The following PTPRH variants were observed in gnomAD, a reference collection of about 807,000 sequenced individuals.
PTPRH encodes the protein protein tyrosine phosphatase receptor type H, also known as receptor-type tyrosine-protein phosphatase H.
In PTPRH, 113 loss-of-function variants were observed where a neutral mutation model predicts 130.2. The ratio of observed to expected loss-of-function variants is 0.87; its 90% confidence interval spans 0.75 to 1.01. The LOEUF (loss-of-function observed/expected upper bound fraction) is 1.01. Ranked by LOEUF, PTPRH falls within the 50% of genes least tolerant of loss-of-function variation. The pLI, the probability that PTPRH is intolerant of heterozygous loss-of-function variation, is 0.00. For missense variants in PTPRH, 1,430 were observed against 1,425.0 expected, an observed-to-expected ratio of 1.00 and a Z score of -0.06; for synonymous variants, 556 against 577.9, an observed-to-expected ratio of 0.96 and a Z score of 0.54.
intron 12 of PTPRH, 121 bp downstream of exon 12, chr19:55,191,380 C>A: frequency 1.7e-6 from 2 of 1,171,482 alleles, no homozygotes; most frequent in Non-Finnish European, 1.3e-6. Flanking sequence ...GAGGCATGGG[C>A]CCCTTCTGAG....
At chr19:55,199,691 AAAGG>A (rs2086794490) in intron 7 of PTPRH, among the ~76,000 whole-genome samples, 2 of 149,498 alleles carry the variant, frequency 1.3e-5, no homozygotes, top group Admixed American at 1.3e-4. Context: ...AGAAAGAGAG[AAAGG>A]AAGGGAGGGA....
At chr19:55,201,930 G>A in intron 6 of PTPRH, 126 bp downstream of exon 6, 2 of 1,424,826 alleles carry the variant, frequency 1.4e-6, no homozygotes, top group Non-Finnish European at 9.6e-7. Context: ...ACTGCCCCAG[G>A]ATGTGGACAT....
chr19:55,202,867 C>A (rs540781657), intron 5 of PTPRH, among the ~76,000 whole-genome samples: 1 of 151,924 alleles, frequency 6.6e-6, no homozygotes, highest in Non-Finnish European at 1.5e-5. Flanking sequence ...GGCGAAACCC[C>A]GTCTCTACTA....
intron 13 of PTPRH, 131 bp downstream of exon 13, chr19:55,187,947 C>A: frequency 1.5e-6 from 1 of 677,200 alleles, no homozygotes; most frequent in South Asian, 1.7e-5. Flanking sequence ...GGAATCTCTG[C>A]ACAATCCAAT....
chr19:55,194,678 C>A (rs889485285), intron 10 of PTPRH, among the ~76,000 whole-genome samples: 2 of 152,172 alleles, frequency 1.3e-5, no homozygotes, highest in Non-Finnish European at 2.9e-5. Context: ...CAAGATGATA[C>A]AACCACATTA....
Position 55,206,767 on chromosome 19 carries a change from C to T in PTPRH, c.274G>A (p.Gly92Arg), listed in dbSNP as rs1377629474. Residue 92 changes from glycine (G) to arginine (R), a missense_variant, in exon 3 of 20, where the codon GGG becomes AGG. By Grantham distance (125) the Gly-to-Arg change is moderately radical (BLOSUM62 -2). Transcript: ENST00000376350. ...TNVTVDGLGP[G>R]SLYTCSVWVE... ...CACACAGAACACGTATACAATGACC[C>T]GGGTCCAAGGCCATCCACGGTGACG... 4.3e-6 allele frequency: 7 copies of T among 1,614,052 alleles called. No individual in the cohort carries two copies. The highest frequency in any genetic ancestry group is 1.7e-5 in the Admixed American group (1 of 59,992).
chr19:55,204,669 A>G (rs535695399), intron 4 of PTPRH, among the ~76,000 whole-genome samples: 1 of 151,226 alleles, frequency 6.6e-6, no homozygotes, highest in South Asian at 2.1e-4. Context: ...CTGCCCACAC[A>G]TGGACCACAC....
At position 55,203,870 on chromosome 19, in the gene PTPRH, G is replaced by A. The variant is rs747448099; in HGVS notation, c.798C>T (p.Gly266=). 1.1e-5 allele frequency: 18 copies of A among 1,614,136 alleles called. No homozygotes were observed. The East Asian group carries it at 3.6e-4, about 32-fold the overall frequency. Residue 266 remains glycine (G), a synonymous_variant, in exon 5 of 20, where the codon GGC becomes GGT. Coordinates refer to ENST00000376350, the MANE Select transcript of PTPRH (RefSeq NM_002842.5). ...NTTDTRVTVD[G]LGPGSLYTCS... ...ACGTATACAATGACCCGGGTCCAAG[G>A]CCATCCACGGTGACTCTGGTGTCTG...
intron 12 of PTPRH, 139 bp downstream of exon 12, chr19:55,191,362 C>T: frequency 1.0e-6 from 1 of 983,984 alleles, no homozygotes; most frequent in Admixed American, 2.0e-5. Flanking sequence ...GCCGTGGTCC[C>T]TGTCGCAGAG....
At chr19:55,193,707 T>C (rs560052435) in intron 10 of PTPRH, among the ~76,000 whole-genome samples, 67 of 152,238 alleles carry the variant, frequency 4.4e-4, no homozygotes, top group African/African-American at 1.5e-3. Context: ...GGGAAACACT[T>C]TGCTGGTTGT....
chr19:55,191,954 T>G (rs1383886506), intron 10 of PTPRH: 2 of 664,654 alleles, frequency 3.0e-6, no homozygotes, highest in East Asian at 5.8e-5. Context: ...CCAGCCCCTC[T>G]CCTACCTCCT....
At position 55,202,059 on chromosome 19, in the gene PTPRH, T is replaced by C. The variant is rs139848790; in HGVS notation, c.1150A>G (p.Thr384Ala). The C allele has an allele frequency of 5.5e-4, 891 of 1,613,808 alleles. 2 individuals are homozygous for C. The African/African-American group carries it at 9.5e-3, about 17-fold the overall frequency. Residue 384 changes from threonine to alanine, a missense_variant, in exon 6 of 20, where the codon ACA becomes GCA. By Grantham distance (58) the Thr-to-Ala change is moderately conservative. Coordinates refer to ENST00000376350, the MANE Select transcript of PTPRH (RefSeq NM_002842.5). ...NSSRETRNAT[T>A]APNPVRNLHM... is the part of the protein sequence containing the mutation. Reference sequence around the variant, plus strand: ...ACAAATGGCGACTGCCTCTCACCTGTGGTGGCATTTCGAGTCTCCCGGGAG... The same window carrying C: ...ACAAATGGCGACTGCCTCTCACCTGCGGTGGCATTTCGAGTCTCCCGGGAG...
chr19:55,200,744 A>G (rs1453295616), intron 6 of PTPRH, among the ~76,000 whole-genome samples: 1 of 151,750 alleles, frequency 6.6e-6, no homozygotes, highest in Non-Finnish European at 1.5e-5. Flanking sequence ...GGAGATTGAG[A>G]CCATCCTGGC....
Position 55,202,156 on chromosome 19 carries a change from G to C in PTPRH, c.1053C>G (p.Ile351Met). 1 of 1,614,212 alleles carries C rather than the reference G, an allele frequency of 6.2e-7. No homozygotes were observed. Among genetic ancestry groups the C allele is most frequent in the Non-Finnish European group, 8.5e-7 (1 of 1,180,040 alleles). The change falls in exon 6 of 20, where the codon ATC (isoleucine) becomes ATG (methionine). Residue 351 changes from isoleucine (I) to methionine (M), a missense_variant. Coordinates refer to ENST00000376350, the MANE Select transcript of PTPRH (RefSeq NM_002842.5). ...ACCCGGGTTCAAGTCTATCCACGGT[G>C]ATGTTGGTGTGTGCTGTGCTTCGAG... ...AGTRSTAHTN[I>M]TVDRLEPGCL... is the part of the protein sequence containing the mutation.
rs2087162177 is a variant in PTPRH at position 55,209,111 on chromosome 19, A to G, written c.51+272T>C. Among the ~76,000 whole-genome samples, 1 of 151,838 alleles carries G rather than the reference A, an allele frequency of 6.6e-6. No homozygotes were observed. Among genetic ancestry groups the G allele is most frequent in the African/African-American group, 2.4e-5 (1 of 41,290 alleles). ...CCCGCAGCAGACACGACAGTGTCTA[A>G]GGGCCCGGGTGAAGCTGGTGTCCCC... is the stretch of plus-strand genomic sequence containing the variant. On this transcript the variant is annotated intron_variant, in intron 1 of 19. Coordinates refer to ENST00000376350, the MANE Select transcript of PTPRH (RefSeq NM_002842.5). This position sits in a 1 kb window ranked among gnomAD's most constrained non-coding sequence, Gnocchi z 4.1.
intron 3 of PTPRH, 97 bp downstream of exon 3, chr19:55,206,592 T>A: frequency 7.8e-7 from 1 of 1,284,368 alleles, no homozygotes; most frequent in Non-Finnish European, 1.0e-6. Flanking sequence ...TGTGTTTCTA[T>A]CCAACTAAAG....
intron 12 of PTPRH, among the ~76,000 whole-genome samples, chr19:55,190,369 C>CAA (rs550949670): frequency 1.9e-5 from 2 of 104,618 alleles, no homozygotes; most frequent in Non-Finnish European, 3.9e-5. Flanking sequence ...GACTCCACCT[C>CAA]AAAAAAAAAA....
chr19:55,190,720 C>T (rs957271483), intron 12 of PTPRH, among the ~76,000 whole-genome samples: 1 of 149,256 alleles, frequency 6.7e-6, no homozygotes, highest in East Asian at 1.9e-4. Context: ...AACCTCTGCT[C>T]CCGGGTTCAA....
intron 7 of PTPRH, among the ~76,000 whole-genome samples, chr19:55,199,763 G>GAGAA (rs1183927656): frequency 1.6e-4 from 23 of 147,036 alleles, no homozygotes; most frequent in Middle Eastern, 3.6e-3. Context: ...GAAAGAGAAA[G>GAGAA]AGAAAGAAAG....
Sources: gnomAD v4.1 joint callset for allele counts (sites outside exome capture counted in the v4.1 genomes callset) on GRCh38, gnomAD v4.1.1 for gene constraint, Gnocchi (gnomAD v3.1) non-coding constraint, MANE v1.5 for transcripts, NCBI Gene and HGNC (gene_info 2026-07-23, HGNC 2026-07-21) for gene names.